The following NELL1 variants were observed in gnomAD, a reference collection of about 807,000 sequenced individuals.
NELL1 encodes neural EGFL like 1.
A neutral mutation model predicts 107.4 loss-of-function variants in NELL1; 76 were observed. The observed-to-expected ratio is 0.71, with a 90% CI of 0.59 to 0.86. NELL1 has a LOEUF of 0.86. Among genes scored for constraint, NELL1 ranks in the 40% least tolerant of loss-of-function variants. The pLI, the probability that NELL1 is intolerant of heterozygous loss-of-function variation, is 0.00. For missense variants in NELL1, 1,024 were observed against 1,005.5 expected, an observed-to-expected ratio of 1.02 and a Z score of -0.25; for synonymous variants, 353 against 341.2, an observed-to-expected ratio of 1.03 and a Z score of -0.38.
At chr11:21,295,687 A>T (rs1379319381) in intron 14 of NELL1, among the ~76,000 whole-genome samples, 4 of 151,984 alleles carry the variant, frequency 2.6e-5, no homozygotes, top group African/African-American at 9.7e-5. Context: ...TTTTGAAGGG[A>T]GGCACTTGGT....
At chr11:20,673,800 A>G (rs1853980076) in intron 1 of NELL1, among the ~76,000 whole-genome samples, 1 of 152,122 alleles carries the variant, frequency 6.6e-6, no homozygotes, top group Non-Finnish European at 1.5e-5. Context: ...TTCCTAGGAA[A>G]GGGCAGGAGC....
At chr11:21,540,362 C>T (rs1381894793) in intron 16 of NELL1, among the ~76,000 whole-genome samples, 3 of 152,072 alleles carry the variant, frequency 2.0e-5, no homozygotes, top group African/African-American at 7.2e-5. Context: ...CCTTCCCAGT[C>T]GCTGGTATTG....
intron 12 of NELL1, among the ~76,000 whole-genome samples, chr11:21,109,996 C>T (rs1045121706): frequency 5.3e-5 from 8 of 152,166 alleles, no homozygotes; most frequent in African/African-American, 1.9e-4. Context: ...TTGCCAATTT[C>T]TTTCTTTCTT....
intron 13 of NELL1, among the ~76,000 whole-genome samples, chr11:21,159,237 G>T (rs1218130448): frequency 6.6e-6 from 1 of 152,168 alleles, no homozygotes; most frequent in Non-Finnish European, 1.5e-5. Context: ...CCGTGAGCTT[G>T]TTGACCAGAT....
intron 12 of NELL1, among the ~76,000 whole-genome samples, chr11:21,060,696 T>G (rs1293131779): frequency 6.6e-6 from 1 of 152,200 alleles, no homozygotes; most frequent in Non-Finnish European, 1.5e-5. Context: ...CCTTTGTTTT[T>G]GTTTTTGATT....
At chr11:20,975,578 A>ATC (rs1377626275) in intron 12 of NELL1, among the ~76,000 whole-genome samples, 1 of 144,962 alleles carries the variant, frequency 6.9e-6, no homozygotes, top group East Asian at 2.0e-4. Context: ...AATGTATTAT[A>ATC]TACACATATG....
intron 12 of NELL1, among the ~76,000 whole-genome samples, chr11:21,031,187 AC>A (rs1371247846): frequency 6.6e-6 from 1 of 152,194 alleles, no homozygotes; most frequent in African/African-American, 2.4e-5. Context: ...GTACAGATAG[AC>A]CGTTCTGTGC....
intron 11 of NELL1, among the ~76,000 whole-genome samples, chr11:20,956,943 A>G (rs1226551765): frequency 6.6e-6 from 1 of 152,206 alleles, no homozygotes; most frequent in African/African-American, 2.4e-5. Context: ...GCTGCCTAAT[A>G]TAGAAACAAC....
intron 16 of NELL1, among the ~76,000 whole-genome samples, chr11:21,540,935 TC>T (rs1275118481): frequency 6.6e-6 from 1 of 152,100 alleles, no homozygotes; most frequent in African/African-American, 2.4e-5. Context: ...GACATTCAGT[TC>T]TTCTAATAAT....
intron 15 of NELL1, among the ~76,000 whole-genome samples, chr11:21,418,118 C>T (rs1852565459): frequency 6.6e-6 from 1 of 151,956 alleles, no homozygotes; most frequent in African/African-American, 2.4e-5. Context: ...TTCACTTATT[C>T]AACAGGGGTT....
chr11:20,674,772 T>G (rs1320804613), intron 1 of NELL1, among the ~76,000 whole-genome samples: 1 of 152,166 alleles, frequency 6.6e-6, no homozygotes, highest in Non-Finnish European at 1.5e-5. Flanking sequence ...ACCATTGGGG[T>G]GTTCTGCTAG....
At chr11:21,348,603 GAAAA>G (rs560006054) in intron 14 of NELL1, among the ~76,000 whole-genome samples, 18 of 151,600 alleles carry the variant, frequency 1.2e-4, no homozygotes, top group Non-Finnish European at 1.0e-4. Flanking sequence ...TAAAAGAAAA[GAAAA>G]AAAACAGTGT....
intron 14 of NELL1, among the ~76,000 whole-genome samples, chr11:21,254,300 C>T (rs1161319206): frequency 1.3e-5 from 2 of 151,552 alleles, no homozygotes; most frequent in African/African-American, 4.9e-5. Context: ...CATAATGGTA[C>T]CTGAAGAAAA....
intron 13 of NELL1, among the ~76,000 whole-genome samples, chr11:21,172,941 T>TGC (rs138783207): frequency 1.3e-5 from 2 of 151,562 alleles, no homozygotes; most frequent in Non-Finnish European, 2.9e-5. Flanking sequence ...TGTGTGTGTG[T>TGC]ATGTGTGTGA....
chr11:21,335,704 C>T (rs567500044), intron 14 of NELL1, among the ~76,000 whole-genome samples: 12 of 152,142 alleles, frequency 7.9e-5, no homozygotes, highest in Admixed American at 2.0e-4. Flanking sequence ...CCTCTAAAAA[C>T]GCAAATCCAT....
At chr11:21,421,031 TAGACAGAAG>T (rs1852653439) in intron 15 of NELL1, among the ~76,000 whole-genome samples, 2 of 152,054 alleles carry the variant, frequency 1.3e-5, no homozygotes, top group African/African-American at 2.4e-5. Context: ...AGAGACAATG[TAGACAGAAG>T]AAAATGCCAA....
intron 12 of NELL1, among the ~76,000 whole-genome samples, chr11:21,055,443 C>T (rs1453882515): frequency 6.6e-6 from 1 of 152,010 alleles, no homozygotes. Context: ...AACACAGTAT[C>T]CCTCTTTTGC....
intron 5 of NELL1, among the ~76,000 whole-genome samples, chr11:20,909,669 C>T (rs969991724): frequency 4.6e-5 from 7 of 152,112 alleles, no homozygotes; most frequent in African/African-American, 1.7e-4. Flanking sequence ...AGATCTGGTC[C>T]TTGCTGTCCT....
intron 13 of NELL1, among the ~76,000 whole-genome samples, chr11:21,223,982 TATC>T (rs1429713333): frequency 6.6e-6 from 1 of 152,204 alleles, no homozygotes; most frequent in Non-Finnish European, 1.5e-5. Context: ...ACTTTAAATG[TATC>T]ATACCATTCT....
Sources: allele counts gnomAD v4.1 joint callset (sites outside exome capture counted in the v4.1 genomes callset), GRCh38; gene constraint gnomAD v4.1.1; transcripts MANE v1.5; gene names NCBI Gene and HGNC (gene_info 2026-07-23, HGNC 2026-07-21).